IVNS1ABP: variants seen among roughly 807,000 people sequenced by gnomAD.
The protein encoded by IVNS1ABP is influenza virus NS1A-binding protein.
A neutral mutation model predicts 78.9 loss-of-function variants in IVNS1ABP; 25 were observed. The observed-to-expected ratio is 0.32, with a 90% CI of 0.23 to 0.44. The LOEUF is 0.44. Ranked by LOEUF, IVNS1ABP falls within the 20% of genes least tolerant of loss-of-function variation. IVNS1ABP has a pLI of 1.00. For synonymous variants in IVNS1ABP, 241 were observed against 259.7 expected (o/e 0.93, Z 0.69); for missense variants, 494 against 768.9 (o/e 0.64, Z 4.23).
intron 1 of IVNS1ABP, 144 bp from the exon 2 acceptor site, chr1:185,311,466 G>C: frequency 9.8e-5 from 29 of 295,334 alleles, no homozygotes; most frequent in East Asian, 2.4e-4. Context: ...CATAAAAAAA[G>C]AACACAAATG....
intron 2 of IVNS1ABP, among the ~76,000 whole-genome samples, chr1:185,310,859 C>T (rs1665869030): frequency 6.8e-6 from 1 of 147,028 alleles, no homozygotes; most frequent in South Asian, 2.1e-4. Context: ...GCCTGGACAA[C>T]AGAGATCTTA....
rs1319836843 is a variant in IVNS1ABP, at chr1:185,297,078, C to T, written c.*957G>A. 1 of 152,030 alleles carries T rather than the reference C, an allele frequency of 6.6e-6. No homozygotes were observed. The highest frequency in any genetic ancestry group is 2.4e-5 in the African/African-American group (1 of 41,406). The allele number at this position is 152,030 out of a possible 1,614,324, so 9.4% of individuals were successfully genotyped here. On this transcript the variant is annotated 3_prime_UTR_variant, in exon 15 of 15. Transcript: ENST00000367498. The stretch of plus-strand genomic sequence containing the variant: ...GAACAAAAACATAGTTCTGATAAAA[C>T]CTGCATTCACAACCTAATGTAGTTT...
chr1:185,317,166 C>A lies in IVNS1ABP; in HGVS notation c.-460G>T. The stretch of plus-strand genomic sequence containing the variant: ...GGAACTCGCTCGCTCGCCGATACAG[C>A]CGCGCCGAAGCAGCAGGCGGAGAAA... On this transcript the variant is annotated 5_prime_UTR_variant, in exon 1 of 15. Coordinates refer to ENST00000367498, the MANE Select transcript of IVNS1ABP (RefSeq NM_006469.5). The A allele has an allele frequency of 2.5e-6, 1 of 398,454 alleles. No individual in the cohort carries two copies. The highest frequency in any genetic ancestry group is 4.4e-6 in the Non-Finnish European group (1 of 226,064). The allele number at this position is 398,454 out of a possible 1,614,324, so 24.7% of individuals were successfully genotyped here.
At position 185,297,211 on chromosome 1, in the gene IVNS1ABP, G is replaced by A. The variant is rs1665443543; in HGVS notation, c.*824C>T. 1 of 152,100 alleles carries A rather than the reference G, an allele frequency of 6.6e-6. No homozygotes were observed. The highest frequency in any genetic ancestry group is 6.6e-5 in the Admixed American group (1 of 15,254). 9.4% of individuals were successfully genotyped at this position (152,100 alleles called of 1,614,324 possible). ...ACACCATTTTTTACTGCTATATAATGTCTTGCTATATAAAACATACCCTCA... is the reference window on the plus strand; with the variant it reads ...ACACCATTTTTTACTGCTATATAATATCTTGCTATATAAAACATACCCTCA... On this transcript the variant is annotated 3_prime_UTR_variant, in exon 15 of 15. Transcript: ENST00000367498.
At position 185,309,426 on chromosome 1, in the gene IVNS1ABP, T is replaced by C; in HGVS notation, c.68A>G (p.Asn23Ser). ...NFIESSVAKL[N>S]ALRKSGQFCD... The stretch of plus-strand genomic sequence containing the variant: ...GAACTGGCCACTTTTCCTCAGGGCA[T>C]TTAATTTGGCAACAGAAGACTCAAT... The change falls in exon 3 of 15, where the codon AAT (asparagine) becomes AGT (serine). Residue 23 changes from asparagine (N) to serine (S), a missense_variant. Transcript: ENST00000367498. The C allele has an allele frequency of 6.2e-7, 1 of 1,613,102 alleles. No individual in the cohort carries two copies. The highest frequency in any genetic ancestry group is 8.5e-7 in the Non-Finnish European group (1 of 1,179,306).
rs1558117372 is a variant in IVNS1ABP at position 185,305,963 on chromosome 1, A to G, written c.658-320T>C. ...GTAAGAAAAAAAGCACTAGTACAAT[A>G]TATACTCTTAAAGAATATACATATT... On this transcript the variant is annotated intron_variant, in intron 7 of 14. Transcript: ENST00000367498. This position sits in a 1 kb window ranked among gnomAD's most constrained non-coding sequence, Gnocchi z 4.0. 3.9e-6 allele frequency: 1 copy of G among 253,626 alleles called. No individual in the cohort carries two copies. The highest frequency in any genetic ancestry group is 7.8e-6 in the Non-Finnish European group (1 of 128,618). The allele number at this position is 253,626 out of a possible 1,614,324, so 15.7% of individuals were successfully genotyped here.
chr1:185,311,471 C>T, intron 1 of IVNS1ABP, 149 bp from the exon 2 acceptor site: 1 of 341,430 alleles, frequency 2.9e-6, no homozygotes, highest in Non-Finnish European at 5.3e-6. Context: ...AAAAAGAACA[C>T]AAATGCAATT....
chr1:185,300,717 G>GA (rs1298818458), intron 10 of IVNS1ABP, 159 bp from the exon 11 acceptor site: 2 of 765,516 alleles, frequency 2.6e-6, no homozygotes. Flanking sequence ...TGTAATAGCT[G>GA]AAAAATCGCA....
chr1:185,299,653 T>G, intron 14 of IVNS1ABP, 57 bp downstream of exon 14: 2 of 1,543,764 alleles, frequency 1.3e-6, no homozygotes, highest in Non-Finnish European at 1.8e-6. Context: ...CTCTCAGAGT[T>G]TTAGAACAAA....
At position 185,301,487 on chromosome 1, in the gene IVNS1ABP, G is replaced by C. The variant is rs369883697; in HGVS notation, c.842C>G (p.Thr281Arg). The change falls in exon 9 of 15, where the codon ACA becomes AGA. Residue 281 changes from threonine (T) to arginine (R), a missense_variant. Physicochemically the swap from Thr to Arg is moderately conservative, Grantham distance 71. Coordinates refer to ENST00000367498, the MANE Select transcript of IVNS1ABP (RefSeq NM_006469.5). ...STGCLSSPNATVQSPKHEWKI... is the reference protein window; with the variant it reads ...STGCLSSPNARVQSPKHEWKI... ...CCACTCATGCTTAGGGCTTTGTACTGTAGCATTTGGAGAAGAGAGACATCC... is the reference window on the plus strand; with the variant it reads ...CCACTCATGCTTAGGGCTTTGTACTCTAGCATTTGGAGAAGAGAGACATCC... The C allele has an allele frequency of 2.7e-5, 44 of 1,613,034 alleles. No homozygotes were observed. The highest frequency in any genetic ancestry group is 3.5e-5 in the Non-Finnish European group (41 of 1,179,350).
intron 8 of IVNS1ABP, among the ~76,000 whole-genome samples, chr1:185,302,655 C>T (rs955192504): frequency 1.6e-4 from 25 of 152,204 alleles, no homozygotes; most frequent in African/African-American, 5.8e-4. Context: ...TTACAACATA[C>T]GTAGGCTATT....
rs186995402 is a variant in IVNS1ABP at position 185,296,796 on chromosome 1, G to A, written c.*1239C>T. 3.3e-5 allele frequency: 5 copies of A among 152,124 alleles called. No individual in the cohort carries two copies. Among genetic ancestry groups the A allele is most frequent in the Non-Finnish European group, 7.4e-5 (5 of 67,980 alleles). 9.4% of individuals were successfully genotyped at this position (152,124 alleles called of 1,614,324 possible). A position where few individuals can be genotyped will look rare whatever the true frequency, so the allele number is the denominator to read the frequency against. On this transcript the variant is annotated 3_prime_UTR_variant, in exon 15 of 15. Coordinates refer to ENST00000367498, the MANE Select transcript of IVNS1ABP (RefSeq NM_006469.5). ...ATTTCAGATGTAAGATGCCAGGTGA[G>A]TTATTTTCCACAAATTTCTTAAGCT...
At chr1:185,300,832 G>A (rs1665575909) in intron 10 of IVNS1ABP, 140 bp downstream of exon 10, 1 of 705,022 alleles carries the variant, frequency 1.4e-6, no homozygotes, top group East Asian at 2.7e-5. Flanking sequence ...CTGAAGGTTA[G>A]CCATATTCAA....
chr1:185,311,486 A>G (rs746160650), intron 1 of IVNS1ABP, among the ~76,000 whole-genome samples, 164 bp from the exon 2 acceptor site: 2 of 151,964 alleles, frequency 1.3e-5, no homozygotes, highest in South Asian at 4.1e-4. Context: ...GCAATTCCAC[A>G]TAAACATTTT....
chr1:185,313,818 C>G (rs944462126), intron 1 of IVNS1ABP, among the ~76,000 whole-genome samples: 61 of 152,132 alleles, frequency 4.0e-4, no homozygotes, highest in Admixed American at 4.0e-3. Flanking sequence ...AAAATTAAAA[C>G]TAGGATCAAA....
rs760594952 is a variant in IVNS1ABP, at chr1:185,308,882, A to T, written c.282-7T>A. On this transcript the variant is annotated splice_polypyrimidine_tract_variant and splice_region_variant and intron_variant, in intron 4 of 14. Coordinates refer to ENST00000367498, the MANE Select transcript of IVNS1ABP (RefSeq NM_006469.5). ...TTCCTTATCTGCTTTCAACCTATTT[A>T]AAAAAAAAGTTACTTATGATACCAA... The T allele has an allele frequency of 1.4e-4, 220 of 1,568,726 alleles. No homozygotes were observed. Among genetic ancestry groups the T allele is most frequent in the Non-Finnish European group, 1.1e-4 (121 of 1,151,486 alleles).
intron 3 of IVNS1ABP, 62 bp downstream of exon 3, chr1:185,309,321 C>G: frequency 1.5e-6 from 2 of 1,297,260 alleles, no homozygotes; most frequent in Non-Finnish European, 2.1e-6. Context: ...ATAAGCAAAT[C>G]TAAGAACTTA....
intron 2 of IVNS1ABP, 140 bp from the exon 3 acceptor site, chr1:185,309,651 T>G: frequency 3.4e-6 from 2 of 580,130 alleles, no homozygotes; most frequent in South Asian, 2.1e-5. Flanking sequence ...CACAAAAACT[T>G]AGCTGAAACA....
At chr1:185,309,557 G>T in intron 2 of IVNS1ABP, 46 bp from the exon 3 acceptor site, 1 of 918,404 alleles carries the variant, frequency 1.1e-6, no homozygotes, top group Non-Finnish European at 1.8e-6. Context: ...GCAACTGATG[G>T]TTTTAAAAAT....
Sources: allele counts gnomAD v4.1 joint callset (sites outside exome capture counted in the v4.1 genomes callset), GRCh38; gene constraint gnomAD v4.1.1; non-coding constraint Gnocchi (gnomAD v3.1); transcripts MANE v1.5; gene names NCBI Gene and HGNC (gene_info 2026-07-23, HGNC 2026-07-21).